The following EGLN3 variants were observed in gnomAD, a reference collection of about 807,000 sequenced individuals.
EGLN3 encodes egl-9 family hypoxia inducible factor 3.
In EGLN3, 15 loss-of-function variants were observed where a neutral mutation model predicts 26.0. The observed-to-expected ratio is 0.58, with a 90% CI of 0.39 to 0.89. The LOEUF is 0.89. Among genes scored for constraint, EGLN3 ranks in the 40% least tolerant of loss-of-function variants. The pLI is 0.00. For missense variants in EGLN3, 238 were observed against 311.6 expected (o/e 0.76, Z 1.78); for synonymous variants, 147 against 127.2 (o/e 1.16, Z -1.05).
chr14:33,938,032 C>A (rs1033849094), intron 1 of EGLN3, among the ~76,000 whole-genome samples: 2 of 152,172 alleles, frequency 1.3e-5, no homozygotes, highest in Non-Finnish European at 2.9e-5. Context: ...TGGAAGCATC[C>A]ATCTAGTTCT....
intron 1 of EGLN3, among the ~76,000 whole-genome samples, chr14:33,945,295 C>T (rs938214220): frequency 6.6e-6 from 1 of 152,162 alleles, no homozygotes; most frequent in Admixed American, 6.5e-5. Flanking sequence ...TGCAGAGATA[C>T]CATTTATGGT....
intron 1 of EGLN3, among the ~76,000 whole-genome samples, chr14:33,936,793 G>C (rs909418789): frequency 1.3e-5 from 2 of 148,882 alleles, no homozygotes; most frequent in African/African-American, 2.5e-5. Flanking sequence ...AAACCTGAAA[G>C]AGACATGCCC....
chr14:33,949,912 T>C, intron 1 of EGLN3: 1 of 226,834 alleles, frequency 4.4e-6, no homozygotes, highest in Non-Finnish European at 8.6e-6. Context: ...ACAAACCAAC[T>C]GCCACATGGC....
At chr14:33,941,457 A>G (rs2064482611) in intron 1 of EGLN3, among the ~76,000 whole-genome samples, 1 of 152,112 alleles carries the variant, frequency 6.6e-6, no homozygotes, top group Admixed American at 6.5e-5. Context: ...AGATGGTCTC[A>G]CATAACATGT....
chr14:33,930,341 C>T lies in EGLN3; in HGVS notation c.477+755G>A, dbSNP rs77309548. On this transcript the variant is annotated intron_variant, in intron 2 of 4. Transcript: ENST00000250457. ...ACTGATTCAATGGTTTCCCAAGTTT[C>T]GTTTTTCTGACTCTGGATAAATATT... 2.4e-3 allele frequency among the ~76,000 whole-genome samples: 358 copies of T among 152,262 alleles called. 10 individuals are homozygous for T. The East Asian group carries it at 0.061, about 26-fold the overall frequency.
intron 1 of EGLN3, among the ~76,000 whole-genome samples, chr14:33,935,584 AAT>A (rs1255991334): frequency 1.1e-5 from 1 of 94,768 alleles, no homozygotes; most frequent in Admixed American, 1.2e-4. Context: ...GCTATAAATA[AAT>A]ACACACACAC....
intron 3 of EGLN3, among the ~76,000 whole-genome samples, chr14:33,928,609 C>T (rs192850595): frequency 1.3e-5 from 2 of 152,236 alleles, no homozygotes; most frequent in East Asian, 3.9e-4. Context: ...AAGGAAAAGA[C>T]AAAAAGAGAA....
In EGLN3 at chr14:33,950,544, T is replaced by C. The variant is rs749228602; in HGVS notation, c.209A>G (p.Lys70Arg). 2 of 1,612,610 alleles carry C rather than the reference T, an allele frequency of 1.2e-6. No homozygotes were observed. The highest frequency in any genetic ancestry group is 2.2e-5 in the South Asian group (2 of 91,058). Residue 70 changes from lysine to arginine, a missense_variant, in exon 1 of 5, where the codon AAG (lysine) becomes AGG (arginine). By Grantham distance (26) the Lys-to-Arg change is conservative. Coordinates refer to ENST00000250457, the MANE Select transcript of EGLN3 (RefSeq NM_022073.4). ...QLAGPRAGVS[K>R]RHLRGDQITW... ...GATCTGGTCGCCCCGCAGGTGTCGC[T>C]TGGAGACGCCGGCGCGCGGCCCCGC...
In EGLN3 at chr14:33,950,555, G is replaced by C. The variant is rs771062138; in HGVS notation, c.198C>G (p.Ala66=). 1 of 1,611,986 alleles carries C rather than the reference G, an allele frequency of 6.2e-7. No homozygotes were observed. Among genetic ancestry groups the C allele is most frequent in the African/African-American group, 1.3e-5 (1 of 74,886 alleles). ...LRDGQLAGPR[A]GVSKRHLRGD... ...CCCGCAGGTGTCGCTTGGAGACGCC[G>C]GCGCGCGGCCCCGCCAGCTGGCCGT... The change falls in exon 1 of 5, where the codon GCC becomes GCG. Residue 66 remains alanine, a synonymous_variant. Transcript: ENST00000250457.
chr14:33,935,032 T>A (rs2064431575), intron 1 of EGLN3, among the ~76,000 whole-genome samples: 1 of 152,210 alleles, frequency 6.6e-6, no homozygotes, highest in Admixed American at 6.5e-5. Context: ...CCAGCCAACC[T>A]TTGTAAGGAT....
intron 1 of EGLN3, among the ~76,000 whole-genome samples, chr14:33,946,920 T>C (rs569549347): frequency 3.2e-4 from 49 of 152,372 alleles, no homozygotes; most frequent in Middle Eastern, 3.4e-3. Flanking sequence ...TTCTTACCAC[T>C]GACTTTGAAA....
chr14:33,938,752 A>C (rs2064459814), intron 1 of EGLN3, among the ~76,000 whole-genome samples: 1 of 152,186 alleles, frequency 6.6e-6, no homozygotes, highest in Non-Finnish European at 1.5e-5. Context: ...CTGAGAATTC[A>C]TGTAGCCCGG....
chr14:33,926,389 CTT>C (rs1294949491), intron 4 of EGLN3, among the ~76,000 whole-genome samples: 2 of 152,170 alleles, frequency 1.3e-5, no homozygotes, highest in African/African-American at 4.8e-5. Flanking sequence ...CAATGTGACT[CTT>C]TTTAAGACAG....
At position 33,946,868 on chromosome 14, in the gene EGLN3, A is replaced by G. The variant is rs143682012; in HGVS notation, c.357+3528T>C. Among the ~76,000 whole-genome samples, 51 of 152,380 alleles carry G rather than the reference A, an allele frequency of 3.3e-4. 1 individual carries two copies. The highest frequency in any genetic ancestry group is 1.2e-3 in the African/African-American group (49 of 41,590). ...GCAACTTGCCTAAAGCCACGAAGTT[A>G]GTTAACACTGAGCCTGAGCTCCCAG... On this transcript the variant is annotated intron_variant, in intron 1 of 4. Transcript: ENST00000250457.
chr14:33,930,314 T>A (rs982855998), intron 2 of EGLN3, among the ~76,000 whole-genome samples: 3 of 152,226 alleles, frequency 2.0e-5, no homozygotes, highest in Non-Finnish European at 4.4e-5. Context: ...ATAGGCCTTT[T>A]CACTGATTCA....
At chr14:33,926,872 G>T in intron 4 of EGLN3, 88 bp downstream of exon 4, 1 of 956,878 alleles carries the variant, frequency 1.0e-6, no homozygotes, top group South Asian at 2.0e-5. Flanking sequence ...GTAACAGATT[G>T]AACAGAACAT....
At chr14:33,928,253 C>G (rs925026428) in intron 3 of EGLN3, among the ~76,000 whole-genome samples, 3 of 152,178 alleles carry the variant, frequency 2.0e-5, no homozygotes, top group African/African-American at 7.2e-5. Context: ...AGCTGTGTGA[C>G]TTCCGGAGGA....
chr14:33,934,198 TC>T (rs1430573163), intron 1 of EGLN3, among the ~76,000 whole-genome samples: 1 of 151,978 alleles, frequency 6.6e-6, no homozygotes, highest in Admixed American at 6.6e-5. Context: ...CCATCCCCAT[TC>T]CCAGAGGCCT....
rs897748960 is a variant in EGLN3, at chr14:33,925,644, G to C, written c.*247C>G. ...GAATCTATCAGGTAAACCGCTGGCCGAGTAGGATGTCTGCAGGAATTTCTG... is the reference window on the plus strand; with the variant it reads ...GAATCTATCAGGTAAACCGCTGGCCCAGTAGGATGTCTGCAGGAATTTCTG... On this transcript the variant is annotated 3_prime_UTR_variant, in exon 5 of 5. Coordinates refer to ENST00000250457, the MANE Select transcript of EGLN3 (RefSeq NM_022073.4). The C allele has an allele frequency of 1.9e-6, 1 of 527,646 alleles. No homozygotes were observed. The highest frequency in any genetic ancestry group is 1.9e-5 in the African/African-American group (1 of 52,260). 32.7% of individuals were successfully genotyped at this position (527,646 alleles called of 1,614,324 possible).
Sources: allele counts gnomAD v4.1 joint callset (sites outside exome capture counted in the v4.1 genomes callset), GRCh38; gene constraint gnomAD v4.1.1; transcripts MANE v1.5; gene names NCBI Gene and HGNC (gene_info 2026-07-23, HGNC 2026-07-21).